SCAND3: variants seen among roughly 807,000 people sequenced by gnomAD.
The protein encoded by SCAND3 is SCAN domain containing 3.
the SCAND3 span, among the ~76,000 whole-genome samples, chr6:28,593,393 T>G: frequency 1.4e-5 from 2 of 145,982 alleles, no homozygotes; most frequent in Non-Finnish European, 3.0e-5. Flanking sequence ...TTTTTTTTTT[T>G]GCTGGGCGCG....
the SCAND3 span, among the ~76,000 whole-genome samples, chr6:28,614,277 C>A: frequency 6.6e-6 from 1 of 151,606 alleles, no homozygotes; most frequent in Non-Finnish European, 1.5e-5. Flanking sequence ...ATTCCACTTT[C>A]AAAAGACACT....
At chr6:28,596,792 A>C in the SCAND3 span, among the ~76,000 whole-genome samples, 1 of 152,136 alleles carries the variant, frequency 6.6e-6, no homozygotes, top group Non-Finnish European at 1.5e-5. Context: ...AATCCTCCTC[A>C]AAGCTAGAGA....
the SCAND3 span, among the ~76,000 whole-genome samples, chr6:28,615,516 G>T: frequency 6.6e-6 from 1 of 151,066 alleles, no homozygotes; most frequent in East Asian, 1.9e-4. Flanking sequence ...GGGAGACTGA[G>T]GCAGGAGAAT....
the SCAND3 span, among the ~76,000 whole-genome samples, chr6:28,595,927 A>G: frequency 6.6e-6 from 1 of 152,202 alleles, no homozygotes; most frequent in Non-Finnish European, 1.5e-5. Flanking sequence ...TTCTTCATTC[A>G]TAACACACAC....
At chr6:28,571,123 G>T in the SCAND3 span, 1 of 152,156 alleles carries the variant, frequency 6.6e-6, no homozygotes. Flanking sequence ...AGATGAGCCT[G>T]GCCAACATGG....
chr6:28,602,984 A>C, the SCAND3 span, among the ~76,000 whole-genome samples: 1 of 102,906 alleles, frequency 9.7e-6, no homozygotes, highest in Admixed American at 1.2e-4. Flanking sequence ...TTTTTTTGAG[A>C]GGGAGTCTCA....
At chr6:28,608,373 T>C in the SCAND3 span, among the ~76,000 whole-genome samples, 1 of 152,150 alleles carries the variant, frequency 6.6e-6, no homozygotes. Context: ...ACCTTTACTC[T>C]TGTCTCTTCT....
chr6:28,607,165 G>C, the SCAND3 span, among the ~76,000 whole-genome samples: 1 of 152,162 alleles, frequency 6.6e-6, no homozygotes, highest in Non-Finnish European at 1.5e-5. Context: ...TGGGGGTGTA[G>C]CTCAGTGGTA....
the SCAND3 span, among the ~76,000 whole-genome samples, chr6:28,610,589 A>G: frequency 6.6e-6 from 1 of 152,240 alleles, no homozygotes; most frequent in South Asian, 2.1e-4. Context: ...AACACAAGAA[A>G]CAAAGAACAA....
At chr6:28,586,213 C>G in the SCAND3 span, 2 of 1,165,518 alleles carry the variant, frequency 1.7e-6, no homozygotes, top group South Asian at 1.5e-5. This position sits in a 1 kb window ranked among gnomAD's most constrained non-coding sequence, Gnocchi z 4.4. Context: ...GGTTTCCAAC[C>G]ACCAGCGCGA....
the SCAND3 span, chr6:28,572,052 G>A: frequency 8.1e-6 from 13 of 1,613,868 alleles, no homozygotes; most frequent in African/African-American, 4.0e-5. This position sits in a 1 kb window ranked among gnomAD's most constrained non-coding sequence, Gnocchi z 4.1. Flanking sequence ...TAGAGAATCC[G>A]GTCTCACAGA....
chr6:28,615,210 A>G, the SCAND3 span, among the ~76,000 whole-genome samples: 1 of 152,194 alleles, frequency 6.6e-6, no homozygotes, highest in South Asian at 2.1e-4. Flanking sequence ...GTGGTTGGCC[A>G]TTCCCCTCTC....
chr6:28,595,945 C>A, the SCAND3 span, among the ~76,000 whole-genome samples: 5 of 152,118 alleles, frequency 3.3e-5, no homozygotes, highest in African/African-American at 1.2e-4. Flanking sequence ...CACTTTGGGT[C>A]ATTCTGATGT....
At chr6:28,601,325 A>G in the SCAND3 span, among the ~76,000 whole-genome samples, 2 of 152,248 alleles carry the variant, frequency 1.3e-5, no homozygotes, top group Non-Finnish European at 2.9e-5. Flanking sequence ...GGAGAGATGA[A>G]TGAAATAAGA....
At chr6:28,612,509 T>C in the SCAND3 span, among the ~76,000 whole-genome samples, 1 of 152,232 alleles carries the variant, frequency 6.6e-6, no homozygotes, top group African/African-American at 2.4e-5. Context: ...ATACACAGCA[T>C]AGTAAAAGAC....
At chr6:28,585,899 T>C in the SCAND3 span, among the ~76,000 whole-genome samples, 20 of 152,292 alleles carry the variant, frequency 1.3e-4, no homozygotes, top group East Asian at 3.9e-3. Context: ...ATTTTCATTG[T>C]ACAGATGAAG....
At chr6:28,596,204 G>GA in the SCAND3 span, among the ~76,000 whole-genome samples, 148 of 152,228 alleles carry the variant, frequency 9.7e-4, no homozygotes, top group Admixed American at 2.4e-3. Context: ...AAAAGATACA[G>GA]AAAACCCAAA....
chr6:28,593,775 G>C, the SCAND3 span: 4 of 152,268 alleles, frequency 2.6e-5, no homozygotes, highest in East Asian at 5.8e-4. Context: ...GCAAGATTAC[G>C]GCTCACTCAG....
At chr6:28,586,949 A>C in the SCAND3 span, 4 of 566,602 alleles carry the variant, frequency 7.1e-6, no homozygotes, top group South Asian at 4.9e-5. This position sits in a 1 kb window ranked among gnomAD's most constrained non-coding sequence, Gnocchi z 4.4. Flanking sequence ...AAGACCAGAA[A>C]TAGTGAGCAC....
Sources: allele counts gnomAD v4.1 joint callset (sites outside exome capture counted in the v4.1 genomes callset), GRCh38; gene constraint gnomAD v4.1.1; non-coding constraint Gnocchi (gnomAD v3.1); transcripts MANE v1.5; gene names NCBI Gene and HGNC (gene_info 2026-07-23, HGNC 2026-07-21).